SBF2: variants seen among roughly 807,000 people sequenced by gnomAD.
SBF2 encodes myotubularin-related protein 13.
A neutral mutation model predicts 225.2 loss-of-function variants in SBF2; 112 were observed. That is an observed-to-expected ratio of 0.50 (90% CI 0.43 to 0.58). The LOEUF is 0.58. SBF2 is among the 20% of genes least tolerant of loss of function. The probability of loss-of-function intolerance (pLI) is 0.00; values close to 1 mark genes in which losing one functional copy is unlikely to be tolerated. For missense variants in SBF2, 1,996 were observed against 2,206.2 expected, an observed-to-expected ratio of 0.90 and a Z score of 1.91; for synonymous variants, 763 against 773.3, an observed-to-expected ratio of 0.99 and a Z score of 0.22.
At chr11:10,044,030 A>G (rs1949757534) in intron 2 of SBF2, among the ~76,000 whole-genome samples, 4 of 152,218 alleles carry the variant, frequency 2.6e-5, no homozygotes, top group Admixed American at 2.6e-4. Flanking sequence ...GAATGCACAT[A>G]TTAGAAAAGA....
At chr11:9,786,640 C>G (rs569375441) in intron 36 of SBF2, among the ~76,000 whole-genome samples, 1 of 152,306 alleles carries the variant, frequency 6.6e-6, no homozygotes, top group East Asian at 1.9e-4. Context: ...AATTTCCCTT[C>G]TGTTGCATTT....
intron 16 of SBF2, chr11:9,960,745 A>G (rs1011581829): frequency 2.0e-5 from 3 of 152,006 alleles, no homozygotes; most frequent in Admixed American, 1.3e-4. Context: ...GCTCACTGCA[A>G]CCTCCGCCTT....
intron 2 of SBF2, among the ~76,000 whole-genome samples, chr11:10,184,034 A>G (rs1026001434): frequency 3.3e-5 from 5 of 152,242 alleles, no homozygotes; most frequent in Non-Finnish European, 5.9e-5. Flanking sequence ...GAGGTGATGG[A>G]TACACTAATT....
intron 16 of SBF2, chr11:9,915,460 A>G (rs1180236186): frequency 6.6e-6 from 1 of 151,848 alleles, no homozygotes; most frequent in African/African-American, 2.4e-5. Context: ...AAAAAAAAAA[A>G]AAAAGAAATT....
chr11:9,908,140 C>T (rs1386218060), intron 16 of SBF2, among the ~76,000 whole-genome samples: 1 of 152,104 alleles, frequency 6.6e-6, no homozygotes, highest in Non-Finnish European at 1.5e-5. Context: ...TGAAACTATA[C>T]ATCTATGAAA....
At chr11:10,184,866 A>G (rs1956870331) in intron 2 of SBF2, among the ~76,000 whole-genome samples, 1 of 152,112 alleles carries the variant, frequency 6.6e-6, no homozygotes, top group African/African-American at 2.4e-5. Flanking sequence ...AGCTGGGACT[A>G]CAGGCGCCCA....
intron 3 of SBF2, among the ~76,000 whole-genome samples, chr11:10,041,476 C>T (rs573824721): frequency 6.6e-5 from 10 of 152,180 alleles, no homozygotes; most frequent in South Asian, 4.2e-4. Context: ...ATCAAAACTC[C>T]GGACTTTGAT....
chr11:9,958,637 C>T (rs538462940), intron 16 of SBF2: 69 of 263,684 alleles, frequency 2.6e-4, no homozygotes, highest in Non-Finnish European at 4.0e-4. Context: ...GGATTACAGG[C>T]GTGAGCATCC....
chr11:10,028,604 AT>A, intron 5 of SBF2, 47 bp from the exon 6 acceptor site: 1 of 1,242,832 alleles, frequency 8.0e-7, no homozygotes, highest in Non-Finnish European at 1.2e-6. Flanking sequence ...GATTTCAGCC[AT>A]TTTTTAAAAA....
chr11:10,229,415 A>G (rs963565327), intron 1 of SBF2, among the ~76,000 whole-genome samples: 2 of 152,044 alleles, frequency 1.3e-5, no homozygotes, highest in African/African-American at 4.8e-5. Flanking sequence ...TAGGGTGTCA[A>G]TTTTAGATCT....
chr11:10,227,009 T>C (rs974726188), intron 1 of SBF2, among the ~76,000 whole-genome samples: 75 of 152,234 alleles, frequency 4.9e-4, no homozygotes, highest in Non-Finnish European at 6.8e-4. Context: ...TTTTTAATGA[T>C]TGCCATTCTA....
intron 13 of SBF2, among the ~76,000 whole-genome samples, chr11:9,969,153 A>G (rs1195267732): frequency 6.6e-6 from 1 of 152,202 alleles, no homozygotes; most frequent in African/African-American, 2.4e-5. Context: ...TTAGACAAAA[A>G]GCTTAGAGTT....
intron 1 of SBF2, among the ~76,000 whole-genome samples, chr11:10,201,861 G>A (rs1957581550): frequency 1.3e-5 from 2 of 152,130 alleles, no homozygotes; most frequent in East Asian, 1.9e-4. Flanking sequence ...GTGACAGAAC[G>A]AGACTTCATC....
intron 17 of SBF2, among the ~76,000 whole-genome samples, chr11:9,882,562 A>G (rs745596723): frequency 1.8e-4 from 27 of 152,088 alleles, no homozygotes; most frequent in Non-Finnish European, 3.5e-4. Flanking sequence ...TAATCCCAGC[A>G]CTTTGGGAGG....
chr11:10,091,797 C>A (rs531798472), intron 2 of SBF2, among the ~76,000 whole-genome samples: 31 of 152,208 alleles, frequency 2.0e-4, no homozygotes, highest in African/African-American at 6.5e-4. Context: ...TGGTTTCCTG[C>A]ACAAGGAGAT....
intron 33 of SBF2, 53 bp from the exon 34 acceptor site, chr11:9,790,736 C>T: frequency 7.0e-7 from 1 of 1,429,792 alleles, no homozygotes; most frequent in Non-Finnish European, 9.7e-7. Context: ...CACACTTTGC[C>T]AAAAAACGTA....
chr11:9,954,505 T>C (rs906851128), intron 16 of SBF2, among the ~76,000 whole-genome samples: 6 of 152,182 alleles, frequency 3.9e-5, no homozygotes, highest in Non-Finnish European at 7.4e-5. Flanking sequence ...AGTCCATTCA[T>C]AACTGCGAAG....
intron 1 of SBF2, among the ~76,000 whole-genome samples, chr11:10,264,977 A>G (rs1207069220): frequency 6.6e-6 from 1 of 152,108 alleles, no homozygotes; most frequent in Non-Finnish European, 1.5e-5. Context: ...TATCCAGTCT[A>G]TTATTGATGG....
At chr11:10,053,235 T>C (rs548254926) in intron 2 of SBF2, among the ~76,000 whole-genome samples, 88 of 152,322 alleles carry the variant, frequency 5.8e-4, no homozygotes, top group African/African-American at 2.1e-3. Context: ...TTTTTTATAA[T>C]TAATGCTGAA....
Sources: allele counts gnomAD v4.1 joint callset (sites outside exome capture counted in the v4.1 genomes callset), GRCh38; gene constraint gnomAD v4.1.1; transcripts MANE v1.5; gene names NCBI Gene and HGNC (gene_info 2026-07-23, HGNC 2026-07-21).